Variants in SEC23IP observed in about 807,000 individuals in gnomAD.
The protein encoded by SEC23IP is SEC23-interacting protein.
Under a neutral mutation model 113.4 loss-of-function variants are expected in SEC23IP, and 70 were observed. That is an observed-to-expected ratio of 0.62 (90% CI 0.51 to 0.75). The LOEUF (loss-of-function observed/expected upper bound fraction) is 0.75. Among genes scored for constraint, SEC23IP ranks in the 30% least tolerant of loss-of-function variants. The probability of loss-of-function intolerance (pLI) is 0.00; values close to 1 mark genes in which losing one functional copy is unlikely to be tolerated. For missense variants in SEC23IP, 1,160 were observed against 1,204.9 expected (o/e 0.96, Z 0.55); for synonymous variants, 398 against 421.0 (o/e 0.95, Z 0.67).
At position 119,929,770 on chromosome 10, in the gene SEC23IP, A is replaced by C; in HGVS notation, c.2469+8A>C. 1 of 1,554,938 alleles carries C rather than the reference A, an allele frequency of 6.4e-7. No homozygotes were observed. Among genetic ancestry groups the C allele is most frequent in the Admixed American group, 2.0e-5 (1 of 51,234 alleles). On this transcript the variant is annotated splice_region_variant and intron_variant, in intron 14 of 18. Coordinates refer to ENST00000369075, the MANE Select transcript of SEC23IP (RefSeq NM_007190.4). ...TTCAATATTTATCATCCGGTGAGTA[A>C]TTGAATTTACTTTGTTTTTTAAAAT...
chr10:119,911,564 C>T (rs550644460), intron 5 of SEC23IP, among the ~76,000 whole-genome samples: 2 of 152,220 alleles, frequency 1.3e-5, no homozygotes, highest in Admixed American at 1.3e-4. Context: ...CAGCCTCGAC[C>T]TCTTGGGCTC....
intron 15 of SEC23IP, among the ~76,000 whole-genome samples, 176 bp downstream of exon 15, chr10:119,930,607 A>G (rs1352152841): frequency 1.3e-5 from 2 of 152,236 alleles, no homozygotes; most frequent in Non-Finnish European, 2.9e-5. Flanking sequence ...CAAATGAATT[A>G]TTTCTCTTTG....
At chr10:119,918,616 T>C in intron 10 of SEC23IP, 105 bp downstream of exon 10, 1 of 769,616 alleles carries the variant, frequency 1.3e-6, no homozygotes, top group East Asian at 2.5e-5. Flanking sequence ...GTTTGTTTGT[T>C]TGTTTGTTTG....
intron 6 of SEC23IP, among the ~76,000 whole-genome samples, chr10:119,913,438 G>A (rs1854933941): frequency 6.6e-6 from 1 of 152,008 alleles, no homozygotes; most frequent in African/African-American, 2.4e-5. Context: ...TGCTATTGTT[G>A]TGTGAAATCA....
Position 119,904,162 on chromosome 10 carries a change from A to AG in SEC23IP, c.988dup (p.Ala330GlyfsTer24). ...GTTTACCTCTATGACCGAATAAGGA[A>AG]GGCTGCCTACTGGGAAGAGGAGCCA... On this transcript the variant is annotated frameshift_variant, in exon 4 of 19. Transcript: ENST00000369075. LOFTEE classifies it high-confidence loss of function. 6.2e-7 allele frequency: 1 copy of AG among 1,614,244 alleles called. No homozygotes were observed. The highest frequency in any genetic ancestry group is 8.5e-7 in the Non-Finnish European group (1 of 1,180,044).
intron 8 of SEC23IP, among the ~76,000 whole-genome samples, chr10:119,916,539 A>G (rs1261670406): frequency 6.6e-6 from 1 of 152,208 alleles, no homozygotes; most frequent in Non-Finnish European, 1.5e-5. Context: ...CTATTTCTAC[A>G]AACAGCGTTT....
intron 5 of SEC23IP, 93 bp downstream of exon 5, chr10:119,909,223 C>A: frequency 1.3e-6 from 1 of 759,340 alleles, no homozygotes; most frequent in Non-Finnish European, 2.2e-6. Flanking sequence ...GTAACTTCTA[C>A]AGTGGGAATG....
In SEC23IP at chr10:119,940,862, A is replaced by C. The variant is rs1172247164; in HGVS notation, c.*297A>C. 6.6e-6 allele frequency: 1 copy of C among 152,250 alleles called. No homozygotes were observed. The highest frequency in any genetic ancestry group is 6.5e-5 in the Admixed American group (1 of 15,286). 9.4% of individuals were successfully genotyped at this position (152,250 alleles called of 1,614,324 possible). On this transcript the variant is annotated 3_prime_UTR_variant, in exon 19 of 19. Transcript: ENST00000369075. ...AGATCAGTTTAGTTGTATAGTTGTC[A>C]AAGTTATATGTGATATCAATGAAGA...
intron 6 of SEC23IP, among the ~76,000 whole-genome samples, chr10:119,912,642 C>CTTTTTTTTTTT (rs760515822): frequency 8.6e-6 from 1 of 116,426 alleles, no homozygotes; most frequent in African/African-American, 2.9e-5. Context: ...TTTTCTTTTT[C>CTTTTTTTTTTT]TTTTTTTTTT....
chr10:119,941,939 A>G lies in SEC23IP; in HGVS notation c.*1374A>G, dbSNP rs188265941. On this transcript the variant is annotated 3_prime_UTR_variant, in exon 19 of 19. Transcript: ENST00000369075. ...GCCACCTCATTCTACAGCTGAGGCC[A>G]GGACAATAAATGCCTTTCCCAGACT... 2 of 152,412 alleles carry G rather than the reference A, an allele frequency of 1.3e-5. No individual in the cohort carries two copies. Among genetic ancestry groups the G allele is most frequent in the Admixed American group, 1.3e-4 (2 of 15,308 alleles). The allele number at this position is 152,412 out of a possible 1,614,324, so 9.4% of individuals were successfully genotyped here.
chr10:119,915,616 T>C (rs1855024324), intron 7 of SEC23IP, 132 bp from the exon 8 acceptor site: 1 of 673,470 alleles, frequency 1.5e-6, no homozygotes, highest in African/African-American at 1.9e-5. Context: ...CTAATTCTCT[T>C]ATCCTCATTT....
chr10:119,933,572 T>C, intron 17 of SEC23IP, 114 bp from the exon 18 acceptor site: 2 of 642,738 alleles, frequency 3.1e-6, no homozygotes, highest in South Asian at 2.0e-5. Flanking sequence ...ATTGCTATCA[T>C]TTGCCCTTCT....
Position 119,917,946 on chromosome 10 carries a change from T to G in SEC23IP, c.1655T>G (p.Val552Gly). The change falls in exon 9 of 19, where the codon GTG becomes GGG. Residue 552 changes from valine to glycine, a missense_variant. By Grantham distance (109) the Val-to-Gly change is moderately radical (BLOSUM62 -3). Coordinates refer to ENST00000369075, the MANE Select transcript of SEC23IP (RefSeq NM_007190.4). ...AGCCCCACCTACTGTCAGACAATTG[T>G]GGAAAAAGTAGGAATGGAGATAAAC... ...YNSPTYCQTI[V>G]EKVGMEINHL... The G allele has an allele frequency of 1.2e-6, 2 of 1,614,046 alleles. No individual in the cohort carries two copies. Among genetic ancestry groups the G allele is most frequent in the South Asian group, 1.1e-5 (1 of 91,088 alleles).
intron 13 of SEC23IP, among the ~76,000 whole-genome samples, chr10:119,927,117 C>T (rs1463009121): frequency 1.3e-5 from 2 of 152,130 alleles, no homozygotes; most frequent in East Asian, 1.9e-4. Flanking sequence ...AGGTTAGCCT[C>T]GAACTCCTGG....
chr10:119,919,086 C>T (rs778239384), intron 10 of SEC23IP, among the ~76,000 whole-genome samples: 2 of 147,418 alleles, frequency 1.4e-5, no homozygotes, highest in African/African-American at 2.5e-5. Flanking sequence ...CTCCGCCTTT[C>T]GGTTTCAAGC....
intron 11 of SEC23IP, 91 bp downstream of exon 11, chr10:119,919,687 C>A: frequency 1.0e-6 from 1 of 996,372 alleles, no homozygotes; most frequent in Non-Finnish European, 1.4e-6. Context: ...TCAAAATACA[C>A]TCCAGAGTAG....
chr10:119,923,285 T>C (rs1855308987), intron 12 of SEC23IP, among the ~76,000 whole-genome samples: 1 of 151,942 alleles, frequency 6.6e-6, no homozygotes, highest in African/African-American at 2.4e-5. Context: ...CTCAGCTGAG[T>C]TGCCATTGAT....
chr10:119,898,135 G>A (rs1472723233), intron 1 of SEC23IP: 3 of 264,190 alleles, frequency 1.1e-5, no homozygotes, highest in Non-Finnish European at 2.1e-5. Flanking sequence ...GTATGGAAGG[G>A]TATGTAGCAA....
chr10:119,908,354 TA>T, intron 4 of SEC23IP, among the ~76,000 whole-genome samples: 1 of 152,328 alleles, frequency 6.6e-6, no homozygotes, highest in East Asian at 1.9e-4. Context: ...ATACAGTACT[TA>T]AAATGTCTAT....
Sources: allele counts gnomAD v4.1 joint callset (sites outside exome capture counted in the v4.1 genomes callset), GRCh38; gene constraint gnomAD v4.1.1; transcripts MANE v1.5; gene names NCBI Gene and HGNC (gene_info 2026-07-23, HGNC 2026-07-21).